The following MAP4K3 variants were observed in gnomAD, a reference collection of about 807,000 sequenced individuals.
The protein encoded by MAP4K3 is mitogen-activated protein kinase kinase kinase kinase 3, also known as MAPK/ERK kinase kinase kinase 3.
In MAP4K3, 94 loss-of-function variants were observed where a neutral mutation model predicts 143.5. The ratio of observed to expected loss-of-function variants is 0.65; its 90% CI spans 0.55 to 0.78. The LOEUF (loss-of-function observed/expected upper bound fraction) is 0.78, where lower values mean the gene tolerates loss of function less well. MAP4K3 is among the 30% of genes least tolerant of loss of function. MAP4K3 has a pLI of 0.00. For missense variants in MAP4K3, 1,077 were observed against 1,068.1 expected (o/e 1.01, Z -0.12); for synonymous variants, 416 against 347.2 (o/e 1.20, Z -2.20).
chr2:39,387,378 T>G (rs1386601649), intron 1 of MAP4K3, among the ~76,000 whole-genome samples: 2 of 152,220 alleles, frequency 1.3e-5, no homozygotes, highest in African/African-American at 4.8e-5. Flanking sequence ...TACTGGCAGG[T>G]GTCTCTGTTT....
chr2:39,310,076 ATATC>A (rs1410682024), intron 13 of MAP4K3, among the ~76,000 whole-genome samples: 1 of 152,176 alleles, frequency 6.6e-6, no homozygotes, highest in African/African-American at 2.4e-5. Flanking sequence ...GGTAATTAGG[ATATC>A]TATCACATCA....
At chr2:39,369,205 G>T (rs6750432) in intron 2 of MAP4K3, among the ~76,000 whole-genome samples, 12,466 of 124,594 alleles carry the variant, frequency 0.1, 1,410 homozygotes, top group African/African-American at 0.27. Flanking sequence ...TTTTTTTTTT[G>T]TTTTTTTTGA....
intron 20 of MAP4K3, 148 bp downstream of exon 20, chr2:39,287,973 A>C: frequency 1.1e-6 from 1 of 878,750 alleles, no homozygotes; most frequent in East Asian, 2.4e-5. Flanking sequence ...TTAAGCTAGT[A>C]GGCAAAAAGC....
chr2:39,299,240 C>T (rs1682411598), intron 16 of MAP4K3, among the ~76,000 whole-genome samples: 1 of 151,980 alleles, frequency 6.6e-6, no homozygotes, highest in African/African-American at 2.4e-5. Context: ...GTAGAAGAGG[C>T]ATTAAATAAC....
chr2:39,357,996 T>A (rs1032472523), intron 2 of MAP4K3, among the ~76,000 whole-genome samples: 2 of 152,168 alleles, frequency 1.3e-5, no homozygotes, highest in African/African-American at 4.8e-5. Context: ...TGATACAACC[T>A]CAAAGGGAGT....
intron 16 of MAP4K3, among the ~76,000 whole-genome samples, chr2:39,299,400 A>G (rs529671795): frequency 3.0e-4 from 45 of 152,338 alleles, no homozygotes; most frequent in African/African-American, 1.1e-3. Context: ...TGACCAACCC[A>G]TCTTAGAGAT....
At chr2:39,423,429 T>C (rs549540497) in intron 1 of MAP4K3, among the ~76,000 whole-genome samples, 1 of 152,356 alleles carries the variant, frequency 6.6e-6, no homozygotes, top group East Asian at 1.9e-4. Context: ...TTTGCCCAAA[T>C]GAGCTGAAAA....
At chr2:39,283,487 T>A (rs1016997469) in intron 21 of MAP4K3, among the ~76,000 whole-genome samples, 1 of 152,256 alleles carries the variant, frequency 6.6e-6, no homozygotes, top group Non-Finnish European at 1.5e-5. Context: ...TTTTCATATC[T>A]ATTTGTTGGA....
intron 1 of MAP4K3, among the ~76,000 whole-genome samples, chr2:39,399,732 C>G (rs1666903654): frequency 6.6e-6 from 1 of 152,182 alleles, no homozygotes; most frequent in Admixed American, 6.5e-5. Context: ...CCATATCACT[C>G]AGAGAAATCT....
intron 4 of MAP4K3, among the ~76,000 whole-genome samples, chr2:39,338,255 G>A (rs572652461): frequency 1.3e-5 from 2 of 151,994 alleles, no homozygotes; most frequent in African/African-American, 2.4e-5. Context: ...CAAAAGAAAC[G>A]ATGTCCAATA....
At chr2:39,354,182 G>A (rs887046601) in intron 3 of MAP4K3, among the ~76,000 whole-genome samples, 3 of 152,074 alleles carry the variant, frequency 2.0e-5, no homozygotes, top group Non-Finnish European at 2.9e-5. Context: ...AGTGGCTCAC[G>A]CGTGTAATCC....
At position 39,409,606 on chromosome 2, in the gene MAP4K3, T is replaced by C. The variant is rs566476820; in HGVS notation, c.96+27286A>G. 5.9e-5 allele frequency among the ~76,000 whole-genome samples: 9 copies of C among 152,316 alleles called. No homozygotes were observed. The East Asian group carries it at 1.7e-3, about 29-fold the overall frequency. On this transcript the variant is annotated intron_variant, in intron 1 of 33. Transcript: ENST00000263881. The stretch of plus-strand genomic sequence containing the variant: ...GCTAAACTAGATGTTTCAGCCAGTT[T>C]GTAAATTTCTCCAGAAAATATTGAG...
In MAP4K3 at chr2:39,265,290, C is replaced by T. The variant is rs759349724; in HGVS notation, c.2049G>A (p.Thr683=). 38 of 1,610,900 alleles carry T rather than the reference C, an allele frequency of 2.4e-5. No homozygotes were observed. The East Asian group carries it at 4.2e-4, about 18-fold the overall frequency. ...QKCCVVRNPY[T]GHKYLCGALQ... ...GTGCTCCACATAGGTATTTATGGCC[C>T]GTGTAAGGATTTCTTACTGTCAAAG... Residue 683 remains threonine, a synonymous_variant, in exon 28 of 34, where the codon ACG becomes ACA. Transcript: ENST00000263881.
At chr2:39,431,466 A>G (rs780906859) in intron 1 of MAP4K3, among the ~76,000 whole-genome samples, 19 of 152,258 alleles carry the variant, frequency 1.2e-4, no homozygotes, top group Non-Finnish European at 2.5e-4. Flanking sequence ...AACTGCATCA[A>G]CTTCAGGTCC....
intron 15 of MAP4K3, among the ~76,000 whole-genome samples, chr2:39,300,097 C>T (rs1682448421): frequency 6.6e-6 from 1 of 151,992 alleles, no homozygotes; most frequent in African/African-American, 2.4e-5. Context: ...GAAAAAAGCT[C>T]AAATAAGGTG....
chr2:39,314,795 C>T (rs1683059430), intron 13 of MAP4K3, among the ~76,000 whole-genome samples: 1 of 152,118 alleles, frequency 6.6e-6, no homozygotes, highest in Admixed American at 6.5e-5. Flanking sequence ...GGTTTCTGGG[C>T]CAATCCAAGA....
At chr2:39,322,634 AT>A (rs1683348899) in intron 12 of MAP4K3, among the ~76,000 whole-genome samples, 4 of 148,324 alleles carry the variant, frequency 2.7e-5, no homozygotes, top group African/African-American at 9.8e-5. Context: ...GTATATATAG[AT>A]AAATACACAT....
chr2:39,421,735 A>G (rs1226172381), intron 1 of MAP4K3, among the ~76,000 whole-genome samples: 3 of 152,168 alleles, frequency 2.0e-5, no homozygotes, highest in African/African-American at 7.2e-5. Context: ...TCTCCAATAC[A>G]AATCATTTGA....
At chr2:39,311,733 T>C (rs1367521911) in intron 13 of MAP4K3, among the ~76,000 whole-genome samples, 1 of 152,270 alleles carries the variant, frequency 6.6e-6, no homozygotes, top group Non-Finnish European at 1.5e-5. Flanking sequence ...AACATTCAGA[T>C]GACTCCAGCC....
Sources: gnomAD v4.1 joint callset for allele counts (sites outside exome capture counted in the v4.1 genomes callset) on GRCh38, gnomAD v4.1.1 for gene constraint, MANE v1.5 for transcripts, NCBI Gene and HGNC (gene_info 2026-07-23, HGNC 2026-07-21) for gene names.